The following PCDHGB3 variants were observed in gnomAD, a reference collection of about 807,000 sequenced individuals.
The protein encoded by PCDHGB3 is protocadherin gamma subfamily B, 3.
PCDHGB3 carries 40 observed loss-of-function variants against 59.2 expected under a neutral mutation model. That is an observed-to-expected ratio of 0.68 (90% CI 0.52 to 0.88). The LOEUF is 0.88. Ranked by LOEUF, PCDHGB3 falls within the 40% of genes least tolerant of loss-of-function variation. PCDHGB3 has a pLI of 0.00. For missense variants in PCDHGB3, 1,309 were observed against 1,187.9 expected (o/e 1.10, Z -1.50); for synonymous variants, 581 against 503.6 (o/e 1.15, Z -2.06).
intron 1 of PCDHGB3, chr5:141,426,750 G>A (rs1287163824): frequency 2.2e-6 from 1 of 456,160 alleles, no homozygotes; most frequent in Non-Finnish European, 4.4e-6. Context: ...CCTGGAATCT[G>A]CTATAGATGC....
intron 1 of PCDHGB3, chr5:141,427,797 G>T: frequency 6.6e-7 from 1 of 1,505,306 alleles, no homozygotes; most frequent in Non-Finnish European, 9.1e-7. Flanking sequence ...CTACGTGTCC[G>T]TGAGCGCACA....
At chr5:141,437,930 G>A (rs142381129) in intron 1 of PCDHGB3, among the ~76,000 whole-genome samples, 2,019 of 152,152 alleles carry the variant, frequency 0.013, 16 homozygotes, top group Middle Eastern at 0.034. Context: ...TAGAGATGGG[G>A]TTTCACCATA....
Position 141,490,019 on chromosome 5 carries a change from T to C in PCDHGB3, c.2416-4788T>C. 2 of 1,614,272 alleles carry C rather than the reference T, an allele frequency of 1.2e-6. No homozygotes were observed. Among genetic ancestry groups the C allele is most frequent in the East Asian group, 2.2e-5 (1 of 44,886 alleles). ...CCAGAGAATGCACCCATTGGTACTCTGCTGCTCCGCCTCAATGCCACTGAT... is the reference window on the plus strand; with the variant it reads ...CCAGAGAATGCACCCATTGGTACTCCGCTGCTCCGCCTCAATGCCACTGAT... On this transcript the variant is annotated intron_variant, in intron 1 of 3. Coordinates refer to ENST00000576222, the MANE Select transcript of PCDHGB3 (RefSeq NM_018924.5). This position sits in a 1 kb window ranked among gnomAD's most constrained non-coding sequence, Gnocchi z 5.4.
chr5:141,490,715 C>G lies in PCDHGB3; in HGVS notation c.2416-4092C>G, dbSNP rs757619272. The stretch of plus-strand genomic sequence containing the variant: ...GGGGATAATGCCCGCCTCACCTACT[C>G]CATTGTAGGAAATCAGGTTCAGGGA... On this transcript the variant is annotated intron_variant, in intron 1 of 3. Coordinates refer to ENST00000576222, the MANE Select transcript of PCDHGB3 (RefSeq NM_018924.5). This position sits in a 1 kb window ranked among gnomAD's most constrained non-coding sequence, Gnocchi z 5.4. 14 of 1,614,130 alleles carry G rather than the reference C, an allele frequency of 8.7e-6. No individual in the cohort carries two copies. Among genetic ancestry groups the G allele is most frequent in the Non-Finnish European group, 1.1e-5 (13 of 1,179,978 alleles).
intron 1 of PCDHGB3, among the ~76,000 whole-genome samples, chr5:141,382,171 G>T (rs1325332399): frequency 6.6e-6 from 1 of 151,984 alleles, no homozygotes; most frequent in African/African-American, 2.4e-5. Flanking sequence ...GTGTTAGACC[G>T]TCTCTAAGGT....
chr5:141,441,927 G>A (rs2098285195), intron 1 of PCDHGB3: 2 of 354,242 alleles, frequency 5.6e-6, no homozygotes, highest in Non-Finnish European at 1.1e-5. Flanking sequence ...ACAATGCGTG[G>A]CTGTCCTACC....
At chr5:141,443,953 T>C (rs1373953428) in intron 1 of PCDHGB3, among the ~76,000 whole-genome samples, 1 of 152,142 alleles carries the variant, frequency 6.6e-6, no homozygotes, top group Non-Finnish European at 1.5e-5. Context: ...CTTATTGGTA[T>C]GTATTCTGTG....
chr5:141,481,288 A>AGTC (rs2099535099), intron 1 of PCDHGB3, among the ~76,000 whole-genome samples: 1 of 152,188 alleles, frequency 6.6e-6, no homozygotes, highest in Admixed American at 6.5e-5. Flanking sequence ...ATGGTATTTC[A>AGTC]GTCATCTAAG....
At chr5:141,478,528 G>A (rs1013766552) in intron 1 of PCDHGB3, 1 of 1,609,730 alleles carries the variant, frequency 6.2e-7, no homozygotes, top group Non-Finnish European at 8.5e-7. Context: ...TGGGTGCAGA[G>A]AGCGCCCCTC....
chr5:141,407,873 A>T (rs561323423), intron 1 of PCDHGB3: 1 of 354,686 alleles, frequency 2.8e-6, no homozygotes, highest in Non-Finnish European at 5.1e-6. Flanking sequence ...CGAAGAATAT[A>T]TACATTTCGG....
At chr5:141,455,103 C>T (rs1319698016) in intron 1 of PCDHGB3, among the ~76,000 whole-genome samples, 1 of 151,862 alleles carries the variant, frequency 6.6e-6, no homozygotes, top group South Asian at 2.1e-4. Flanking sequence ...TGAGCCACTG[C>T]GCCCGGTGGG....
chr5:141,427,149 A>G (rs1303323489), intron 1 of PCDHGB3: 1 of 456,850 alleles, frequency 2.2e-6, no homozygotes, highest in Non-Finnish European at 4.4e-6. Context: ...TATTGGAAAT[A>G]TGTTTGTGCT....
At chr5:141,374,686 C>T (rs765389244) in intron 1 of PCDHGB3, 5 of 1,609,642 alleles carry the variant, frequency 3.1e-6, no homozygotes, top group Non-Finnish European at 4.2e-6. Flanking sequence ...GCACACTGGA[C>T]CGGGAAGGAG....
At chr5:141,387,435 A>G (rs988959651) in intron 1 of PCDHGB3, among the ~76,000 whole-genome samples, 1 of 152,240 alleles carries the variant, frequency 6.6e-6, no homozygotes, top group African/African-American at 2.4e-5. Flanking sequence ...ATGTTTATGT[A>G]CTTAATCTAC....
intron 1 of PCDHGB3, among the ~76,000 whole-genome samples, chr5:141,472,400 G>A (rs2099279115): frequency 6.6e-6 from 1 of 152,024 alleles, no homozygotes; most frequent in East Asian, 1.9e-4. Flanking sequence ...AATTAGCCAG[G>A]CGTGGTGGCA....
At chr5:141,499,689 CT>C (rs545067566) in intron 2 of PCDHGB3, among the ~76,000 whole-genome samples, 4,434 of 119,828 alleles carry the variant, frequency 0.037, 46 homozygotes, top group African/African-American at 0.083. Context: ...TAACAGATGA[CT>C]TTTTTTTTTT....
At chr5:141,399,479 C>G (rs774561101) in intron 1 of PCDHGB3, 2 of 1,614,032 alleles carry the variant, frequency 1.2e-6, no homozygotes, top group East Asian at 4.5e-5. Context: ...TTCCACCAGG[C>G]GTCCTACTTA....
intron 1 of PCDHGB3, among the ~76,000 whole-genome samples, chr5:141,474,420 T>C (rs1260451051): frequency 2.0e-5 from 3 of 152,226 alleles, no homozygotes; most frequent in Admixed American, 2.0e-4. Flanking sequence ...GCCTAGACCA[T>C]TGGTCCTCAC....
intron 1 of PCDHGB3, chr5:141,421,916 G>A (rs754653877): frequency 2.5e-6 from 4 of 1,613,646 alleles, no homozygotes; most frequent in Non-Finnish European, 2.5e-6. Flanking sequence ...GTTCCCATTC[G>A]TGTGGTGGTC....
Sources: allele counts gnomAD v4.1 joint callset (sites outside exome capture counted in the v4.1 genomes callset), GRCh38; gene constraint gnomAD v4.1.1; non-coding constraint Gnocchi (gnomAD v3.1); transcripts MANE v1.5; gene names NCBI Gene and HGNC (gene_info 2026-07-23, HGNC 2026-07-21).